ARSL: variants seen among roughly 807,000 people sequenced by gnomAD.
The protein encoded by ARSL is arylsulfatase E (chondrodysplasia punctata 1).
ARSL carries 4 observed loss-of-function variants against 31.1 expected under a neutral mutation model. The observed-to-expected ratio is 0.13, with a 90% CI of 0.06 to 0.29. ARSL has a LOEUF of 0.29. ARSL is among the 10% of genes least tolerant of loss of function. ARSL has a pLI of 1.00. For missense variants in ARSL, 312 were observed against 497.8 expected, an observed-to-expected ratio of 0.63 and a Z score of 3.55; for synonymous variants, 198 against 209.9, an observed-to-expected ratio of 0.94 and a Z score of 0.49.
rs73193026 is a variant in ARSL, at chrX:2,945,222, G to A, written c.991+776C>T. Among the ~76,000 whole-genome samples, 378 of 111,002 alleles carry A rather than the reference G, an allele frequency of 3.4e-3. 1 individual carries two copies. The highest frequency in any genetic ancestry group is 4.8e-3 in the Non-Finnish European group (255 of 52,949). On this transcript the variant is annotated intron_variant, in intron 7 of 10. Transcript: ENST00000381134. Reference sequence around the variant, plus strand: ...AGCAGGTGTGGAAGCCCTGACAGGGGACAAATGTGAAAGATACTGTGTGGC... The same window carrying A: ...AGCAGGTGTGGAAGCCCTGACAGGGAACAAATGTGAAAGATACTGTGTGGC...
At chrX:2,956,923 T>A (rs112977708) in intron 3 of ARSL, among the ~76,000 whole-genome samples, 1 of 109,080 alleles carries the variant, frequency 9.2e-6, no homozygotes, top group Non-Finnish European at 1.9e-5. Flanking sequence ...ATTTTTTTTT[T>A]AATTTAAAAA....
In ARSL at chrX:2,945,884, C is replaced by T. The variant is rs959801844; in HGVS notation, c.991+114G>A. The T allele has an allele frequency of 8.9e-6, 9 of 1,015,063 alleles. No individual in the cohort carries two copies. In the African/African-American group the frequency reaches 1.3e-4, roughly 15 times the overall value. 83.7% of individuals were successfully genotyped at this position (1,015,063 alleles called of 1,213,427 possible). On this transcript the variant is annotated intron_variant, in intron 7 of 10. Coordinates refer to ENST00000381134, the MANE Select transcript of ARSL (RefSeq NM_000047.3). The stretch of plus-strand genomic sequence containing the variant: ...ATATTTTGCACTCTTAAAATCCAAT[C>T]GCACTGCAATCGCTATTCTGCATCT...
At chrX:2,949,120 G>A (rs751255314) in intron 6 of ARSL, among the ~76,000 whole-genome samples, 184 bp downstream of exon 6, 2 of 109,895 alleles carry the variant, frequency 1.8e-5, no homozygotes, top group East Asian at 2.9e-4. Context: ...TAGTAGAGAC[G>A]GGGTTTCACC....
In ARSL at chrX:2,947,244, A is replaced by C. The variant is rs142274603; in HGVS notation, c.855-1110T>G. 3.1e-3 allele frequency among the ~76,000 whole-genome samples: 347 copies of C among 111,513 alleles called. 3 individuals are homozygous for C. The highest frequency in any genetic ancestry group is 0.011 in the African/African-American group (330 of 30,663). ...GATCTAATGCATCTTTTCCCCCCCGAATATTATAATGTTCTAACTCTACTG... is the reference window on the plus strand; with the variant it reads ...GATCTAATGCATCTTTTCCCCCCCGCATATTATAATGTTCTAACTCTACTG... On this transcript the variant is annotated intron_variant, in intron 6 of 10. Transcript: ENST00000381134.
intron 6 of ARSL, among the ~76,000 whole-genome samples, 188 bp from the exon 7 acceptor site, chrX:2,946,322 CTTTTTTTTTTTT>C (rs747661858): frequency 5.4e-4 from 37 of 69,112 alleles, no homozygotes; most frequent in African/African-American, 5.8e-4. Flanking sequence ...AACAATCTTC[CTTTTTTTTTTTT>C]TTTTTTTTTT....
chrX:2,940,101 C>G (rs968786024), intron 8 of ARSL, among the ~76,000 whole-genome samples: 7 of 109,269 alleles, frequency 6.4e-5, no homozygotes, highest in African/African-American at 2.3e-4. Context: ...CTCCTGACCT[C>G]AAGTGATCTG....
At chrX:2,944,514 C>T (rs192577564) in intron 7 of ARSL, among the ~76,000 whole-genome samples, 1 of 108,917 alleles carries the variant, frequency 9.2e-6, no homozygotes, top group Non-Finnish European at 1.9e-5. Context: ...CCCTGCCACA[C>T]ACACACACAC....
chrX:2,959,430 C>G (rs1450006359), intron 2 of ARSL, among the ~76,000 whole-genome samples: 1 of 111,555 alleles, frequency 9.0e-6, no homozygotes, highest in Non-Finnish European at 1.9e-5. Context: ...TCATTGCTGC[C>G]TCTTTCATCG....
Position 2,934,939 on chromosome X carries a change from C to T in ARSL, c.1663G>A (p.Val555Ile), listed in dbSNP as rs2089175335. ...CCCAGCCTGTCCAGCTGCAGAGGAA[C>T]TGGGCTGAGTGTCCGCTGGTGTTCC... is the stretch of plus-strand genomic sequence containing the variant. Reference protein sequence around the residue: ...VWEHQRTLSPVPLQLDRLGNI... With the variant: ...VWEHQRTLSPIPLQLDRLGNI... The change falls in exon 11 of 11, where the codon GTT becomes ATT. Residue 555 changes from valine to isoleucine, a missense_variant. Coordinates refer to ENST00000381134, the MANE Select transcript of ARSL (RefSeq NM_000047.3). 1 of 1,210,332 alleles carries T rather than the reference C, an allele frequency of 8.3e-7. No homozygotes were observed. Among genetic ancestry groups the T allele is most frequent in the Non-Finnish European group, 1.1e-6 (1 of 894,809 alleles).
intron 8 of ARSL, 122 bp from the exon 9 acceptor site, chrX:2,938,379 T>TC (rs2089233780): frequency 9.7e-6 from 9 of 923,877 alleles, no homozygotes; most frequent in Admixed American, 3.0e-5. Flanking sequence ...AGTCTCTCAA[T>TC]TTCTCTCTCT....
intron 7 of ARSL, among the ~76,000 whole-genome samples, chrX:2,944,456 AAAAAAAAC>A (rs1268125802): frequency 3.5e-5 from 2 of 56,435 alleles, no homozygotes; most frequent in African/African-American, 8.8e-5. Flanking sequence ...TCGGTCTCAA[AAAAAAAAC>A]AAAAAAAACA....
rs760218832 is a variant in ARSL at position 2,934,902 on chromosome X, C to T, written c.1700G>A (p.Arg567Lys). The change falls in exon 11 of 11, where the codon AGA (arginine) becomes AAA (lysine). Residue 567 changes from arginine (R) to lysine (K), a missense_variant. Transcript: ENST00000381134. ...GCCACAGCAGGGCTGCAGCCACGGT[C>T]TCCAGATGTTGCCCAGCCTGTCCAG... ...LQLDRLGNIWRPWLQPCCGPF... is the reference protein window; with the variant it reads ...LQLDRLGNIWKPWLQPCCGPF... The T allele has an allele frequency of 1.7e-6, 2 of 1,200,793 alleles. No individual in the cohort carries two copies. Among genetic ancestry groups the T allele is most frequent in the African/African-American group, 3.5e-5 (2 of 57,013 alleles).
intron 6 of ARSL, among the ~76,000 whole-genome samples, chrX:2,946,505 A>ATTTTT (rs139364080): frequency 4.4e-5 from 2 of 45,516 alleles, no homozygotes; most frequent in Non-Finnish European, 8.0e-5. Context: ...GGCCCAGCTA[A>ATTTTT]TTTTTTTTTT....
At chrX:2,959,933 AAG>A (rs377421279) in intron 2 of ARSL, 10 of 248,709 alleles carry the variant, frequency 4.0e-5, no homozygotes, top group Non-Finnish European at 4.8e-5. Flanking sequence ...GGAAGGAAGA[AAG>A]AGAGAGAGAA....
intron 6 of ARSL, among the ~76,000 whole-genome samples, 160 bp from the exon 7 acceptor site, chrX:2,946,294 AAATT>A (rs1004228475): frequency 2.8e-5 from 3 of 106,064 alleles, no homozygotes; most frequent in Non-Finnish European, 3.9e-5. Context: ...CTTCAACGGA[AAATT>A]AATTCTTATA....
chrX:2,949,258 A>T, intron 6 of ARSL, 46 bp downstream of exon 6: 1 of 1,200,185 alleles, frequency 8.3e-7, no homozygotes, highest in African/African-American at 1.7e-5. Flanking sequence ...ATGCGTTTTC[A>T]TTCCAAAGCT....
chrX:2,935,686 TC>T (rs368607015), intron 10 of ARSL, among the ~76,000 whole-genome samples: 38,479 of 92,516 alleles, frequency 0.42, 8,455 homozygotes, highest in East Asian at 0.8. Context: ...TCTTTTCTTT[TC>T]TTTTCTTTTT....
At chrX:2,968,092 C>G, upstream of ARSL, 3 of 1,142,383 alleles carry the variant, frequency 2.6e-6, no homozygotes, top group South Asian at 5.7e-5. Context: ...TCCCCTGGAG[C>G]GTCTCTGCAC....
intron 4 of ARSL, 63 bp from the exon 5 acceptor site, chrX:2,953,328 T>C (rs774491717): frequency 2.8e-4 from 311 of 1,123,593 alleles, no homozygotes; most frequent in Non-Finnish European, 3.1e-4. Flanking sequence ...TTGTTATTTA[T>C]TATTTATTCA....
Sources: gnomAD v4.1 joint callset for allele counts (sites outside exome capture counted in the v4.1 genomes callset) on GRCh38, gnomAD v4.1.1 for gene constraint, MANE v1.5 for transcripts, NCBI Gene and HGNC (gene_info 2026-07-23, HGNC 2026-07-21) for gene names.